Variants in TFCP2 observed in about 807,000 individuals in gnomAD.
TFCP2 encodes alpha-globin transcription factor CP2.
Under a neutral mutation model 73.4 loss-of-function variants are expected in TFCP2, and 33 were observed. That is an observed-to-expected ratio of 0.45 (90% confidence interval 0.34 to 0.60). The LOEUF (loss-of-function observed/expected upper bound fraction) is 0.60, where lower values mean the gene tolerates loss of function less well. Among genes scored for constraint, TFCP2 ranks in the 20% least tolerant of loss-of-function variants. TFCP2 has a pLI of 0.01. For synonymous variants in TFCP2, 193 were observed against 211.6 expected (o/e 0.91, Z 0.76); for missense variants, 352 against 604.0 (o/e 0.58, Z 4.37).
chr12:51,117,065 C>T (rs1940545936), intron 3 of TFCP2, among the ~76,000 whole-genome samples: 1 of 152,178 alleles, frequency 6.6e-6, no homozygotes, highest in Admixed American at 6.5e-5. Context: ...TCTGGCTTAG[C>T]TCTTCAGATG....
intron 1 of TFCP2, among the ~76,000 whole-genome samples, chr12:51,154,026 T>C (rs896409296): frequency 1.9e-5 from 2 of 107,774 alleles, no homozygotes; most frequent in African/African-American, 7.0e-5. Flanking sequence ...TCTACATTCT[T>C]GCCAACACCT....
At chr12:51,102,847 T>G (rs1030966678) in intron 10 of TFCP2, among the ~76,000 whole-genome samples, 9 of 152,084 alleles carry the variant, frequency 5.9e-5, no homozygotes, top group African/African-American at 2.2e-4. Flanking sequence ...TCACAACTAT[T>G]TATCATTTTT....
chr12:51,156,995 G>C (rs2640520), intron 1 of TFCP2: 139,606 of 151,238 alleles, frequency 0.92, 64,734 homozygotes, highest in Non-Finnish European at 0.97. Flanking sequence ...GCTTATCGTA[G>C]TCTATTATAA....
rs759868686 is a variant in TFCP2 at position 51,098,907 on chromosome 12, T to G, written c.1288A>C (p.Ile430Leu). 1.4e-5 allele frequency: 22 copies of G among 1,613,988 alleles called. No individual in the cohort carries two copies. In the East Asian group the frequency reaches 4.2e-4, roughly 31 times the overall value. Reference protein sequence around the residue: ...SNGTFFVYHAIYLEELTAVEL... With the variant: ...SNGTFFVYHALYLEELTAVEL... ...ACAGCTGTTAGTTCTTCTAGATAGA[T>G]AGCATGGTAAACTGCAAAAGGGAGA... is the stretch of plus-strand genomic sequence containing the variant. The change falls in exon 13 of 15, where the codon ATC (isoleucine) becomes CTC (leucine). Residue 430 changes from isoleucine to leucine, a missense_variant. Ile to Leu is a conservative substitution (Grantham distance 5, BLOSUM62 2). Coordinates refer to ENST00000257915, the MANE Select transcript of TFCP2 (RefSeq NM_005653.5).
At chr12:51,128,022 C>A (rs950473780) in intron 1 of TFCP2, among the ~76,000 whole-genome samples, 2 of 151,774 alleles carry the variant, frequency 1.3e-5, no homozygotes, top group African/African-American at 4.8e-5. Flanking sequence ...TGGGTTCAAG[C>A]AATTCTGCTG....
intron 1 of TFCP2, among the ~76,000 whole-genome samples, chr12:51,129,779 G>GAAGGAAA (rs1166103786): frequency 4.6e-5 from 7 of 151,658 alleles, no homozygotes; most frequent in Non-Finnish European, 1.5e-5. Flanking sequence ...AGCTGCACTG[G>GAAGGAAA]AAGGAAAATG....
At chr12:51,129,543 G>C (rs927206224) in intron 1 of TFCP2, among the ~76,000 whole-genome samples, 10 of 151,526 alleles carry the variant, frequency 6.6e-5, no homozygotes, top group African/African-American at 2.4e-4. Flanking sequence ...AAAATCTAAG[G>C]AGAGAGATAA....
At chr12:51,118,557 C>T (rs1940588156) in intron 2 of TFCP2, 64 bp downstream of exon 2, 2 of 1,571,778 alleles carry the variant, frequency 1.3e-6, no homozygotes, top group South Asian at 2.3e-5. Flanking sequence ...AACAAACAAA[C>T]AAACAAAAAA....
At chr12:51,121,528 CGA>C (rs1940673795) in intron 1 of TFCP2, among the ~76,000 whole-genome samples, 1 of 148,080 alleles carries the variant, frequency 6.8e-6, no homozygotes, top group South Asian at 2.2e-4. Context: ...TGCAGTGGCA[CGA>C]TCTCGGCTCA....
rs753299621 is a variant in TFCP2 at position 51,104,155 on chromosome 12, A to G, written c.966T>C (p.Asp322=). 1 of 1,614,066 alleles carries G rather than the reference A, an allele frequency of 6.2e-7. No homozygotes were observed. The highest frequency in any genetic ancestry group is 8.5e-7 in the Non-Finnish European group (1 of 1,179,928). Reference sequence around the variant, plus strand: ...AACTGACATTCAACTTTAGACTTACATCTGTGACTGGAGGGGGTGGCTCTG... The same window carrying G: ...AACTGACATTCAACTTTAGACTTACGTCTGTGACTGGAGGGGGTGGCTCTG... ...HQPEPPPPVT[D]NLLPTTTPQE... Residue 322 remains aspartate, a splice_region_variant and synonymous_variant, in exon 9 of 15, where the codon GAT becomes GAC. Coordinates refer to ENST00000257915, the MANE Select transcript of TFCP2 (RefSeq NM_005653.5).
chr12:51,166,645 G>C (rs1941763304), intron 1 of TFCP2, among the ~76,000 whole-genome samples: 1 of 152,084 alleles, frequency 6.6e-6, no homozygotes, highest in African/African-American at 2.4e-5. Context: ...GAGCAATGTA[G>C]CTCAATTACG....
chr12:51,098,623 CAAA>C (rs879888279), intron 13 of TFCP2, among the ~76,000 whole-genome samples, 150 bp downstream of exon 13: 2 of 128,750 alleles, frequency 1.6e-5, no homozygotes, highest in Admixed American at 1.6e-4. Context: ...GAGACTGTTT[CAAA>C]AAAAAAAAAA....
At chr12:51,140,548 A>T (rs1198931207) in intron 1 of TFCP2, among the ~76,000 whole-genome samples, 2 of 147,850 alleles carry the variant, frequency 1.4e-5, no homozygotes, top group Non-Finnish European at 3.0e-5. Flanking sequence ...AGCCTCCCAA[A>T]GTGCTGGGAT....
At chr12:51,162,731 C>T (rs1401620347) in intron 1 of TFCP2, among the ~76,000 whole-genome samples, 1 of 152,118 alleles carries the variant, frequency 6.6e-6, no homozygotes, top group Non-Finnish European at 1.5e-5. Context: ...AGTGCAGTGG[C>T]ACAATCACAG....
At chr12:51,168,841 G>A (rs1941805340) in intron 1 of TFCP2, among the ~76,000 whole-genome samples, 1 of 151,264 alleles carries the variant, frequency 6.6e-6, no homozygotes, top group Non-Finnish European at 1.5e-5. Context: ...TGGCTCTGTT[G>A]CCCAGGCTGT....
chr12:51,125,110 G>T, intron 1 of TFCP2: 1 of 753,354 alleles, frequency 1.3e-6, no homozygotes. Flanking sequence ...CGAGGAAGCT[G>T]GCTAGCAACA....
intron 1 of TFCP2, among the ~76,000 whole-genome samples, chr12:51,119,193 G>A (rs945454535): frequency 2.6e-5 from 4 of 152,302 alleles, no homozygotes; most frequent in African/African-American, 9.6e-5. Context: ...TAGAAGCCAC[G>A]TGAAAAGGAC....
intron 1 of TFCP2, among the ~76,000 whole-genome samples, chr12:51,119,629 A>C (rs1940610810): frequency 6.6e-6 from 1 of 151,078 alleles, no homozygotes; most frequent in Admixed American, 6.6e-5. Flanking sequence ...GCATGCCTGT[A>C]ATCCCAGCTA....
intron 6 of TFCP2, among the ~76,000 whole-genome samples, chr12:51,107,584 G>GA (rs897985859): frequency 2.0e-5 from 3 of 151,880 alleles, no homozygotes; most frequent in Non-Finnish European, 4.4e-5. Flanking sequence ...ATAGTTCACT[G>GA]AAAAAAATCA....
Sources: allele counts gnomAD v4.1 joint callset (sites outside exome capture counted in the v4.1 genomes callset), GRCh38; gene constraint gnomAD v4.1.1; transcripts MANE v1.5; gene names NCBI Gene and HGNC (gene_info 2026-07-23, HGNC 2026-07-21).